Variants in PPM1E observed in about 807,000 individuals in gnomAD.
The protein encoded by PPM1E is protein phosphatase 1E.
In PPM1E, 20 loss-of-function variants were observed where a neutral mutation model predicts 65.9. The observed-to-expected ratio is 0.30, with a 90% CI of 0.21 to 0.44. The LOEUF is 0.44. Among genes scored for constraint, PPM1E ranks in the 20% least tolerant of loss-of-function variants. The pLI, the probability that PPM1E is intolerant of heterozygous loss-of-function variation, is 1.00. For synonymous variants in PPM1E, 352 were observed against 374.9 expected (o/e 0.94, Z 0.70); for missense variants, 713 against 953.1 (o/e 0.75, Z 3.32).
intron 1 of PPM1E, among the ~76,000 whole-genome samples, chr17:58,940,867 T>C (rs1306966434): frequency 6.6e-6 from 1 of 152,172 alleles, no homozygotes; most frequent in Admixed American, 6.5e-5. Flanking sequence ...TATGCCACCA[T>C]GCGTGGCTAA....
At position 58,981,118 on chromosome 17, in the gene PPM1E, T is replaced by C. The variant is rs1322218599; in HGVS notation, c.*87T>C. 13 of 922,634 alleles carry C rather than the reference T, an allele frequency of 1.4e-5. No individual in the cohort carries two copies. The highest frequency in any genetic ancestry group is 2.0e-5 in the Non-Finnish European group (12 of 614,500). The allele number at this position is 922,634 out of a possible 1,614,324, so 57.2% of individuals were successfully genotyped here. ...ACAAGGTAGACATTTCTAAAACATA[T>C]GTGCTTCATTATGAATCCATGGATG... On this transcript the variant is annotated 3_prime_UTR_variant, in exon 7 of 7. Transcript: ENST00000308249.
chr17:58,800,399 T>A (rs1320440190), intron 1 of PPM1E, among the ~76,000 whole-genome samples: 32 of 152,102 alleles, frequency 2.1e-4, no homozygotes, highest in Admixed American at 2.1e-3. Flanking sequence ...TCTCTCTTCC[T>A]TTTTTTCTTT....
rs1214852281 is a variant in PPM1E at position 58,982,782 on chromosome 17, A to G, written c.*1751A>G. 1 of 743,974 alleles carries G rather than the reference A, an allele frequency of 1.3e-6. No homozygotes were observed. The highest frequency in any genetic ancestry group is 2.2e-6 in the Non-Finnish European group (1 of 462,538). The allele number at this position is 743,974 out of a possible 1,614,324, so 46.1% of individuals were successfully genotyped here. A position where few individuals can be genotyped will look rare whatever the true frequency, so the allele number is the denominator to read the frequency against. On this transcript the variant is annotated 3_prime_UTR_variant, in exon 7 of 7. Transcript: ENST00000308249. ...GACAAATGGTTGAAAAGGAGTCAAC[A>G]TGGCCCCAACTATAGTGCCGGAACC...
chr17:58,959,951 T>C (rs1226836393), intron 2 of PPM1E, among the ~76,000 whole-genome samples: 1 of 152,224 alleles, frequency 6.6e-6, no homozygotes, highest in Non-Finnish European at 1.5e-5. Flanking sequence ...ATATTCTTTA[T>C]AAAGTAGGCC....
intron 1 of PPM1E, among the ~76,000 whole-genome samples, chr17:58,769,288 T>C (rs7212738): frequency 0.049 from 7,497 of 152,250 alleles, 273 homozygotes; most frequent in Middle Eastern, 0.088. Flanking sequence ...ATCCTGTTTT[T>C]TTTGGTTCTT....
intron 1 of PPM1E, among the ~76,000 whole-genome samples, chr17:58,818,576 A>C (rs1465136736): frequency 1.3e-5 from 2 of 152,162 alleles, no homozygotes; most frequent in Non-Finnish European, 2.9e-5. Flanking sequence ...AGCTTTACTT[A>C]GTGTAAACTT....
At chr17:58,804,275 A>T (rs906824489) in intron 1 of PPM1E, among the ~76,000 whole-genome samples, 21 of 152,180 alleles carry the variant, frequency 1.4e-4, no homozygotes, top group Non-Finnish European at 2.8e-4. Context: ...TTAAAATTTT[A>T]AAGTGATTGG....
intron 6 of PPM1E, among the ~76,000 whole-genome samples, chr17:58,974,307 G>A (rs1246100644): frequency 6.6e-6 from 1 of 152,142 alleles, no homozygotes; most frequent in Non-Finnish European, 1.5e-5. Context: ...GATAGGAAAA[G>A]CATTGTGCTT....
intron 1 of PPM1E, among the ~76,000 whole-genome samples, chr17:58,831,601 C>T (rs536074688): frequency 2.6e-5 from 4 of 152,272 alleles, no homozygotes; most frequent in Admixed American, 1.3e-4. Context: ...TGAATTGCAA[C>T]GTTTCCAACA....
At chr17:58,964,924 A>G (rs1286493736) in intron 2 of PPM1E, among the ~76,000 whole-genome samples, 3 of 152,054 alleles carry the variant, frequency 2.0e-5, no homozygotes. Flanking sequence ...GGGCACCTGT[A>G]ATCCCAGCCA....
At chr17:58,855,164 A>G (rs1216085543) in intron 1 of PPM1E, among the ~76,000 whole-genome samples, 1 of 152,190 alleles carries the variant, frequency 6.6e-6, no homozygotes, top group African/African-American at 2.4e-5. Flanking sequence ...TGGAAGGGAA[A>G]GGGGAAAAGG....
intron 1 of PPM1E, among the ~76,000 whole-genome samples, chr17:58,930,613 T>G (rs2051882078): frequency 1.3e-5 from 2 of 152,194 alleles, no homozygotes; most frequent in South Asian, 4.1e-4. Context: ...GAAGATTTGG[T>G]GCAGAAGATA....
chr17:58,836,014 G>T (rs1012957837), intron 1 of PPM1E: 4 of 152,124 alleles, frequency 2.6e-5, no homozygotes, highest in Non-Finnish European at 4.4e-5. Flanking sequence ...GGGAAACTGA[G>T]ACTTAGAACA....
At chr17:58,948,096 T>G (rs1008679148) in intron 1 of PPM1E, among the ~76,000 whole-genome samples, 4 of 152,146 alleles carry the variant, frequency 2.6e-5, no homozygotes, top group Non-Finnish European at 5.9e-5. Context: ...TGGCCTTTTA[T>G]GAACAAACTT....
At chr17:58,780,030 A>G (rs2050036256) in intron 1 of PPM1E, among the ~76,000 whole-genome samples, 1 of 152,226 alleles carries the variant, frequency 6.6e-6, no homozygotes, top group African/African-American at 2.4e-5. Context: ...TGTGTTACAA[A>G]GAATGCTGCA....
In PPM1E at chr17:58,756,315, G is replaced by C. The variant is rs2049763223; in HGVS notation, c.318G>C (p.Ala106=). The C allele has an allele frequency of 6.7e-7, 1 of 1,503,588 alleles. No homozygotes were observed. Among genetic ancestry groups the C allele is most frequent in the Non-Finnish European group, 8.9e-7 (1 of 1,127,224 alleles). 93.1% of individuals were successfully genotyped at this position (1,503,588 alleles called of 1,614,324 possible). ...EEEEEGAATA[A]AAPGHSAVPP... is the part of the protein sequence containing the mutation. ...AGGAGGAGGGCGCGGCGACGGCGGC[G>C]GCAGCCCCGGGGCACTCGGCCGTGC... The change falls in exon 1 of 7, where the codon GCG becomes GCC. Residue 106 remains alanine, a synonymous_variant. Transcript: ENST00000308249.
chr17:58,774,170 C>CA (rs397825110), intron 1 of PPM1E, among the ~76,000 whole-genome samples: 40 of 149,012 alleles, frequency 2.7e-4, no homozygotes, highest in Non-Finnish European at 4.5e-4. Flanking sequence ...CCCCCCCCCC[C>CA]AAAAAAAACA....
intron 1 of PPM1E, among the ~76,000 whole-genome samples, chr17:58,906,068 CA>C (rs1450988903): frequency 1.3e-5 from 2 of 152,106 alleles, no homozygotes; most frequent in African/African-American, 4.8e-5. Flanking sequence ...TGATTCATTT[CA>C]TCTAAGTTAT....
intron 1 of PPM1E, among the ~76,000 whole-genome samples, chr17:58,915,255 G>A (rs1359669891): frequency 6.6e-6 from 1 of 152,162 alleles, no homozygotes; most frequent in Non-Finnish European, 1.5e-5. Flanking sequence ...TAAACAAGGG[G>A]TGGATTATTC....
Sources: allele counts gnomAD v4.1 joint callset (sites outside exome capture counted in the v4.1 genomes callset), GRCh38; gene constraint gnomAD v4.1.1; transcripts MANE v1.5; gene names NCBI Gene and HGNC (gene_info 2026-07-23, HGNC 2026-07-21).